The following SLFN12L variants were observed in gnomAD, a reference collection of about 807,000 sequenced individuals.
The protein encoded by SLFN12L is schlafen family member 12-like.
SLFN12L carries 34 observed loss-of-function variants against 34.8 expected under a neutral mutation model. That is an observed-to-expected ratio of 0.98 (90% CI 0.74 to 1.30). The LOEUF (loss-of-function observed/expected upper bound fraction) is 1.30, where lower values mean the gene tolerates loss of function less well. Among genes scored for constraint, SLFN12L ranks in the 50% most tolerant of loss-of-function variants. The probability of loss-of-function intolerance (pLI) is 0.00; values close to 1 mark genes in which losing one functional copy is unlikely to be tolerated. For missense variants in SLFN12L, 703 were observed against 696.2 expected, an observed-to-expected ratio of 1.01 and a Z score of -0.11; for synonymous variants, 259 against 247.5, an observed-to-expected ratio of 1.05 and a Z score of -0.44.
chr17:35,466,315 C>T lies in SLFN12L; in HGVS notation c.*8608G>A, dbSNP rs989009988. On this transcript the variant is annotated 3_prime_UTR_variant, in exon 5 of 5. Transcript: ENST00000628453. ...TCTGTGGTTCAACTATTCATTCCTC[C>T]CACTCCCTTAATCCTTGGAAACCAC... Among the ~76,000 whole-genome samples, 2 of 152,128 alleles carry T rather than the reference C, an allele frequency of 1.3e-5. No individual in the cohort carries two copies. The highest frequency in any genetic ancestry group is 4.8e-5 in the African/African-American group (2 of 41,414).
rs1567687028 is a variant in SLFN12L, at chr17:35,522,406, C to A, written c.-42G>T. 1.9e-6 allele frequency: 3 copies of A among 1,614,104 alleles called. No individual in the cohort carries two copies. The highest frequency in any genetic ancestry group is 2.5e-6 in the Non-Finnish European group (3 of 1,180,002). On this transcript the variant is annotated 5_prime_UTR_variant, in exon 2 of 5. An upstream start codon of the reference 5' UTR is lost. Coordinates refer to ENST00000628453, the MANE Select transcript of SLFN12L (RefSeq NM_001363830.2). ...ATGGTCTTTCCTAAGCCAGGTAAGC[C>A]ATGGACAAACAATTCTCTGTTCTTG...
intron 2 of SLFN12L, among the ~76,000 whole-genome samples, chr17:35,520,867 C>T (rs1915976974): frequency 6.6e-6 from 1 of 152,170 alleles, no homozygotes; most frequent in Non-Finnish European, 1.5e-5. Context: ...CTCCTATAAC[C>T]TGCTGAATAT....
At chr17:35,520,557 C>T (rs1281319715) in intron 2 of SLFN12L, among the ~76,000 whole-genome samples, 2 of 152,096 alleles carry the variant, frequency 1.3e-5, no homozygotes, top group Non-Finnish European at 2.9e-5. Context: ...CCAGCCTGGC[C>T]AACATGGCAA....
intron 1 of SLFN12L, among the ~76,000 whole-genome samples, chr17:35,530,429 G>A (rs1207571550): frequency 0.083 from 721 of 8,690 alleles, 148 homozygotes; most frequent in Middle Eastern, 0.14. Context: ...AAGGAAGGAA[G>A]GGAAGGGAAG....
intron 2 of SLFN12L, among the ~76,000 whole-genome samples, chr17:35,519,199 G>A (rs1915927507): frequency 6.6e-6 from 1 of 152,140 alleles, no homozygotes; most frequent in African/African-American, 2.4e-5. Flanking sequence ...AGGGTAGGGG[G>A]GCAAGGAGAG....
At chr17:35,535,189 CCTT>C (rs1186832550) in intron 1 of SLFN12L, among the ~76,000 whole-genome samples, 2 of 142,388 alleles carry the variant, frequency 1.4e-5, no homozygotes, top group Non-Finnish European at 3.0e-5. Context: ...CTCTCTTTCT[CCTT>C]TTTTTTTTTT....
chr17:35,485,568 T>A (rs1210983253), intron 2 of SLFN12L, among the ~76,000 whole-genome samples: 1 of 152,244 alleles, frequency 6.6e-6, no homozygotes, highest in Non-Finnish European at 1.5e-5. Context: ...GCTTTTGAGA[T>A]CTTTATAATA....
In SLFN12L at chr17:35,464,787, C is replaced by A. The variant is rs1297040063; in HGVS notation, c.*10136G>T. 1 of 152,138 alleles carries A rather than the reference C, an allele frequency of 6.6e-6. No individual in the cohort carries two copies. The highest frequency in any genetic ancestry group is 2.1e-4 in the South Asian group (1 of 4,824). The allele number at this position is 152,138 out of a possible 1,614,324, so 9.4% of individuals were successfully genotyped here. ...TCCATAATTTCACCCAATTGGAAATCGAAAATTTGTATACCAAAGAATTTA... is the reference window on the plus strand; with the variant it reads ...TCCATAATTTCACCCAATTGGAAATAGAAAATTTGTATACCAAAGAATTTA... On this transcript the variant is annotated 3_prime_UTR_variant, in exon 5 of 5. Coordinates refer to ENST00000628453, the MANE Select transcript of SLFN12L (RefSeq NM_001363830.2).
At chr17:35,529,142 G>T (rs2072366338) in intron 1 of SLFN12L, among the ~76,000 whole-genome samples, 1 of 152,192 alleles carries the variant, frequency 6.6e-6, no homozygotes, top group Non-Finnish European at 1.5e-5. Flanking sequence ...AAACCACAAT[G>T]AGATACCATC....
At position 35,475,044 on chromosome 17, in the gene SLFN12L, A is replaced by G. The variant is rs544983067; in HGVS notation, c.1718T>C (p.Met573Thr). Reference protein sequence around the residue: ...ESYYWTTAQTMKDLEKALSNI... With the variant: ...ESYYWTTAQTTKDLEKALSNI... ...TGAAAGGGCCTTTTCCAAGTCTTTC[A>G]TTGTTTGAGCTGTTGTCCAATAGTA... is the stretch of plus-strand genomic sequence containing the variant. Residue 573 changes from methionine to threonine, a missense_variant, in exon 5 of 5, where the codon ATG (methionine) becomes ACG (threonine). Transcript: ENST00000628453. 75 of 1,611,362 alleles carry G rather than the reference A, an allele frequency of 4.7e-5. No individual in the cohort carries two copies. The African/African-American group carries it at 9.0e-4, about 19-fold the overall frequency.
At chr17:35,497,894 G>A (rs1915145052) in intron 2 of SLFN12L, among the ~76,000 whole-genome samples, 1 of 152,148 alleles carries the variant, frequency 6.6e-6, no homozygotes, top group Admixed American at 6.5e-5. Context: ...AGTAAGGAAA[G>A]GATTCTTGGG....
intron 1 of SLFN12L, among the ~76,000 whole-genome samples, chr17:35,535,419 A>G (rs1429299627): frequency 6.8e-6 from 1 of 146,010 alleles, no homozygotes; most frequent in Non-Finnish European, 1.5e-5. Flanking sequence ...CTGGTCTTGA[A>G]CTCCCGACCT....
intron 2 of SLFN12L, among the ~76,000 whole-genome samples, chr17:35,484,372 A>G (rs1409308512): frequency 2.6e-5 from 4 of 152,204 alleles, no homozygotes; most frequent in African/African-American, 9.6e-5. Flanking sequence ...AGGACTCCCA[A>G]TCATTTAAGA....
chr17:35,493,021 G>A (rs1387636498), intron 2 of SLFN12L, among the ~76,000 whole-genome samples: 2 of 152,006 alleles, frequency 1.3e-5, no homozygotes, highest in Admixed American at 6.6e-5. Context: ...GTTTACTCCA[G>A]GTAGATTTCC....
intron 2 of SLFN12L, among the ~76,000 whole-genome samples, chr17:35,484,492 T>G (rs756551291): frequency 1.3e-5 from 2 of 152,122 alleles, no homozygotes; most frequent in Non-Finnish European, 2.9e-5. Flanking sequence ...TCTAAACCAT[T>G]TCCAGTGCCA....
At chr17:35,518,136 A>G (rs547234806) in intron 2 of SLFN12L, among the ~76,000 whole-genome samples, 65 of 152,360 alleles carry the variant, frequency 4.3e-4, no homozygotes, top group Admixed American at 1.1e-3. Flanking sequence ...AATTTTTGCA[A>G]TCTACCATCT....
At chr17:35,514,005 T>C (rs149735260) in intron 2 of SLFN12L, among the ~76,000 whole-genome samples, 1 of 152,320 alleles carries the variant, frequency 6.6e-6, no homozygotes, top group Non-Finnish European at 1.5e-5. Context: ...GATATGAAGA[T>C]ACTAAACAGA....
intron 2 of SLFN12L, chr17:35,498,374 T>C (rs1294025378): frequency 2.6e-5 from 28 of 1,093,834 alleles, no homozygotes; most frequent in East Asian, 1.2e-4. Flanking sequence ...GAGAATCTCA[T>C]TGTGCCGACA....
rs144219691 is a variant in SLFN12L, at chr17:35,467,685, A to ACC, written c.*7236_*7237dup. 3.7e-3 allele frequency among the ~76,000 whole-genome samples: 566 copies of ACC among 150,964 alleles called. 1 individual carries two copies. The highest frequency in any genetic ancestry group is 5.5e-3 in the Non-Finnish European group (374 of 67,678). ...TATTTTTATAGATTTTCAATATCAA[A>ACC]CCCCCCCCATCAGGAGGCCACAGCA... On this transcript the variant is annotated 3_prime_UTR_variant, in exon 5 of 5. Transcript: ENST00000628453.
Sources: gnomAD v4.1 joint callset for allele counts (sites outside exome capture counted in the v4.1 genomes callset) on GRCh38, gnomAD v4.1.1 for gene constraint, MANE v1.5 for transcripts, NCBI Gene and HGNC (gene_info 2026-07-23, HGNC 2026-07-21) for gene names.